Variants in SBF1 observed in about 807,000 individuals in gnomAD.
SBF1 encodes myotubularin-related protein 5.
Under a neutral mutation model 215.8 loss-of-function variants are expected in SBF1, and 65 were observed. That is an observed-to-expected ratio of 0.30 (90% CI 0.25 to 0.37). The LOEUF is 0.37. SBF1 is among the 10% of genes least tolerant of loss of function. The probability of loss-of-function intolerance (pLI) is 1.00; values close to 1 mark genes in which losing one functional copy is unlikely to be tolerated. For synonymous variants in SBF1, 1,410 were observed against 1,122.8 expected, an observed-to-expected ratio of 1.26 and a Z score of -5.11; for missense variants, 2,634 against 2,667.8, an observed-to-expected ratio of 0.99 and a Z score of 0.28.
Position 50,465,391 on chromosome 22 carries a change from G to A in SBF1, c.1090-63C>T, listed in dbSNP as rs529323332. 281 of 1,436,178 alleles carry A rather than the reference G, an allele frequency of 2.0e-4. 1 individual carries two copies. The highest frequency in any genetic ancestry group is 1.1e-3 in the South Asian group (84 of 78,756). The allele number at this position is 1,436,178 out of a possible 1,614,324, so 89.0% of individuals were successfully genotyped here. On this transcript the variant is annotated intron_variant, in intron 10 of 40. Coordinates refer to ENST00000380817, the MANE Select transcript of SBF1 (RefSeq NM_002972.4). ...GCCAATCCCCACCCCAGGCTGCCCA[G>A]GAGCTTCTCCACACCCCAACCCACC...
chr22:50,460,225 A>G (rs1439619038), intron 25 of SBF1, 47 bp downstream of exon 25: 2 of 1,601,362 alleles, frequency 1.2e-6, no homozygotes, highest in Non-Finnish European at 1.7e-6. Flanking sequence ...TCCCTGGCCA[A>G]TGTCAGCATC....
Position 50,461,642 on chromosome 22 carries a change from T to G in SBF1, c.2720A>C (p.Asp907Ala). 6.2e-7 allele frequency: 1 copy of G among 1,611,234 alleles called. No homozygotes were observed. Among genetic ancestry groups the G allele is most frequent in the South Asian group, 1.1e-5 (1 of 91,056 alleles). The change falls in exon 22 of 41, where the codon GAT becomes GCT. Residue 907 changes from aspartate (D) to alanine (A), a missense_variant. Transcript: ENST00000380817. ...GCCCCCCGCGCCCTCCTCACGCCCA[T>G]CCGGCAGCAGGTAGACGCGCAGGCC... is the stretch of plus-strand genomic sequence containing the variant. ...LDGLRVYLLP[D>A]GREEGAGGSA... is the part of the protein sequence containing the mutation.
chr22:50,465,701 G>T, intron 10 of SBF1, 62 bp downstream of exon 10: 1 of 1,465,580 alleles, frequency 6.8e-7, no homozygotes, highest in South Asian at 1.3e-5. Context: ...AGTGGCAGCA[G>T]ACCTGAGTGG....
At chr22:50,469,596 G>A (rs1386859436) in intron 1 of SBF1, among the ~76,000 whole-genome samples, 7 of 152,202 alleles carry the variant, frequency 4.6e-5, no homozygotes, top group African/African-American at 1.7e-4. Flanking sequence ...ACGAAAGCCT[G>A]CCTGCCTTCT....
intron 28 of SBF1, 69 bp from the exon 29 acceptor site, chr22:50,457,180 T>A: frequency 7.7e-7 from 1 of 1,294,576 alleles, no homozygotes; most frequent in Non-Finnish European, 1.0e-6. Context: ...TGGGGGTGCC[T>A]ACAGGTCAGA....
At chr22:50,465,685 TG>T in intron 10 of SBF1, 77 bp downstream of exon 10, 1 of 1,339,022 alleles carries the variant, frequency 7.5e-7, no homozygotes. Context: ...TGGGGCCCTG[TG>T]TGTCAGTGGC....
intron 38 of SBF1, 35 bp downstream of exon 38, chr22:50,448,198 A>C: frequency 5.0e-6 from 8 of 1,588,468 alleles, no homozygotes; most frequent in Non-Finnish European, 6.9e-6. Flanking sequence ...ACCAGCTCAG[A>C]GGTGTCCATG....
At chr22:50,472,383 T>C (rs1316885175) in intron 1 of SBF1, among the ~76,000 whole-genome samples, 1 of 152,126 alleles carries the variant, frequency 6.6e-6, no homozygotes. Flanking sequence ...CCGCCAATCC[T>C]AATCCCCAAC....
At chr22:50,463,470 G>C in intron 15 of SBF1, 38 bp from the exon 16 acceptor site, 1 of 1,518,754 alleles carries the variant, frequency 6.6e-7, no homozygotes, top group Non-Finnish European at 8.9e-7. Context: ...TGAGGGCACA[G>C]AGAAGACCCA....
At chr22:50,466,832 G>A (rs2067782953) in intron 5 of SBF1, 122 bp from the exon 6 acceptor site, 5 of 670,060 alleles carry the variant, frequency 7.5e-6, no homozygotes, top group Admixed American at 3.3e-5. Flanking sequence ...GACTGGCTGG[G>A]ATGGGCAACA....
Position 50,462,601 on chromosome 22 carries a change from C to T in SBF1, c.2085G>A (p.Arg695=), listed in dbSNP as rs1175789636. The T allele has an allele frequency of 1.2e-6, 2 of 1,612,398 alleles. No homozygotes were observed. The highest frequency in any genetic ancestry group is 1.7e-6 in the Non-Finnish European group (2 of 1,179,710). ...CCTCCGTGGGCTCCAGGTAGAGGGC[C>T]CGGATGTGAGTCTGCACATCCCCAT... ...MFYGDVQTHI[R]ALYLEPTEDL... Residue 695 remains arginine (R), a synonymous_variant, in exon 18 of 41, where the codon CGG becomes CGA. Coordinates refer to ENST00000380817, the MANE Select transcript of SBF1 (RefSeq NM_002972.4).
At chr22:50,454,763 G>A in intron 35 of SBF1, 21 bp from the exon 36 acceptor site, 1 of 1,592,292 alleles carries the variant, frequency 6.3e-7, no homozygotes, top group Non-Finnish European at 8.5e-7. Context: ...GCCTGTGGTT[G>A]AGGACCTGGG....
chr22:50,461,980 C>T lies in SBF1; in HGVS notation c.2536G>A (p.Asp846Asn), dbSNP rs1191869028. The T allele has an allele frequency of 5.0e-6, 8 of 1,614,094 alleles. No individual in the cohort carries two copies. The highest frequency in any genetic ancestry group is 4.5e-5 in the East Asian group (2 of 44,898). Reference sequence around the variant, plus strand: ...ATGACATGCAGCCCCTTGAGGTGGTCGCTGGTGACCCCACTCTCCGTGCAG... The same window carrying T: ...ATGACATGCAGCCCCTTGAGGTGGTTGCTGGTGACCCCACTCTCCGTGCAG... Reference protein sequence around the residue: ...KVCTESGVTSDHLKGLHVMVP... With the variant: ...KVCTESGVTSNHLKGLHVMVP... The change falls in exon 20 of 41, where the codon GAC becomes AAC. Residue 846 changes from aspartate to asparagine, a missense_variant. Asp to Asn is a conservative substitution (Grantham distance 23, BLOSUM62 1). Transcript: ENST00000380817.
intron 24 of SBF1, 41 bp downstream of exon 24, chr22:50,460,493 G>A (rs774440324): frequency 8.7e-6 from 14 of 1,610,434 alleles, no homozygotes; most frequent in East Asian, 6.7e-5. Flanking sequence ...GCGGGAACAC[G>A]GCTGAGGCCC....
chr22:50,447,553 C>T lies in SBF1; in HGVS notation c.5420G>A (p.Arg1807His), dbSNP rs745958012. 5.0e-6 allele frequency: 8 copies of T among 1,613,298 alleles called. No individual in the cohort carries two copies. The Admixed American group carries it at 8.3e-5, about 17-fold the overall frequency. ...KGAFMKPWKARWFVLDKTKHQ... is the reference protein window; with the variant it reads ...KGAFMKPWKAHWFVLDKTKHQ... Reference sequence around the variant, plus strand: ...CTTGGTCTTGTCCAGCACGAACCAGCGGGCCTTCCAAGGCTTCATGAAGGC... The same window carrying T: ...CTTGGTCTTGTCCAGCACGAACCAGTGGGCCTTCCAAGGCTTCATGAAGGC... The change falls in exon 39 of 41, where the codon CGC becomes CAC. Residue 1807 changes from arginine (R) to histidine (H), a missense_variant. Transcript: ENST00000380817.
rs373887418 is a variant in SBF1, at chr22:50,466,663, T to G, written c.597A>C (p.Pro199=). The change falls in exon 6 of 41, where the codon CCA becomes CCC. Residue 199 remains proline (P), a synonymous_variant. Coordinates refer to ENST00000380817, the MANE Select transcript of SBF1 (RefSeq NM_002972.4). ...GGCTGACGGGCAGCGAGTCGGCCAG[T>G]GGAGTCTGGATGACCTGCCGGTCAC... is the stretch of plus-strand genomic sequence containing the variant. ...GAGDRQVIQT[P]LADSLPVSRC... is the part of the protein sequence containing the mutation. 36 of 1,550,018 alleles carry G rather than the reference T, an allele frequency of 2.3e-5. No homozygotes were observed. In the African/African-American group the frequency reaches 4.8e-4, roughly 21 times the overall value.
chr22:50,463,956 G>C, intron 15 of SBF1, among the ~76,000 whole-genome samples: 1 of 152,260 alleles, frequency 6.6e-6, no homozygotes, highest in Middle Eastern at 3.4e-3. Flanking sequence ...GTTTCCATAA[G>C]ATGCAAGGAA....
rs759318705 is a variant in SBF1 at position 50,455,027 on chromosome 22, C to T, written c.4670G>A (p.Arg1557His). 1 of 1,614,096 alleles carries T rather than the reference C, an allele frequency of 6.2e-7. No homozygotes were observed. The highest frequency in any genetic ancestry group is 1.1e-5 in the South Asian group (1 of 91,090). The change falls in exon 34 of 41, where the codon CGC (arginine) becomes CAC (histidine). Residue 1557 changes from arginine (R) to histidine (H), a missense_variant. Coordinates refer to ENST00000380817, the MANE Select transcript of SBF1 (RefSeq NM_002972.4). Reference protein sequence around the residue: ...RTFLLDSDYERIELGLLYEEK... With the variant: ...RTFLLDSDYEHIELGLLYEEK... ...GACTCCCCACATACCCAGCTCAATG[C>T]GCTCATAGTCAGAGTCGAGCAGGAA...
chr22:50,448,063 G>GGCTGTGGTCA (rs1465581844), intron 38 of SBF1, among the ~76,000 whole-genome samples, 170 bp downstream of exon 38: 1 of 152,224 alleles, frequency 6.6e-6, no homozygotes, highest in Non-Finnish European at 1.5e-5. Context: ...AGCCACTGCA[G>GGCTGTGGTCA]GCTGTGGTCA....
Sources: gnomAD v4.1 joint callset for allele counts (sites outside exome capture counted in the v4.1 genomes callset) on GRCh38, gnomAD v4.1.1 for gene constraint, MANE v1.5 for transcripts, NCBI Gene and HGNC (gene_info 2026-07-23, HGNC 2026-07-21) for gene names.